Variants in GRIK4 observed in about 807,000 individuals in gnomAD.
GRIK4 encodes glutamate receptor ionotropic, kainate 4.
In GRIK4, 40 loss-of-function variants were observed where a neutral mutation model predicts 104.9. The observed-to-expected ratio is 0.38, with a 90% CI of 0.30 to 0.50. The LOEUF (loss-of-function observed/expected upper bound fraction) is 0.50, where lower values mean the gene tolerates loss of function less well. GRIK4 is among the 20% of genes least tolerant of loss of function. The pLI is 0.93. For synonymous variants in GRIK4, 485 were observed against 524.9 expected, an observed-to-expected ratio of 0.92 and a Z score of 1.04; for missense variants, 1,047 against 1,308.1, an observed-to-expected ratio of 0.80 and a Z score of 3.08.
chr11:120,677,872 A>G (rs1950126803), intron 3 of GRIK4, among the ~76,000 whole-genome samples: 1 of 152,236 alleles, frequency 6.6e-6, no homozygotes, highest in South Asian at 2.1e-4. Flanking sequence ...TTTATTGAGC[A>G]TCTACTGTGC....
At chr11:120,844,765 A>C (rs1953810185) in intron 8 of GRIK4, among the ~76,000 whole-genome samples, 1 of 152,222 alleles carries the variant, frequency 6.6e-6, no homozygotes, top group African/African-American at 2.4e-5. Flanking sequence ...ATTTGAAGTC[A>C]ACGTTGTGCA....
intron 6 of GRIK4, among the ~76,000 whole-genome samples, chr11:120,827,273 G>A (rs1953292494): frequency 6.6e-6 from 1 of 152,066 alleles, no homozygotes; most frequent in Non-Finnish European, 1.5e-5. Context: ...TCCTTACCTC[G>A]ACATCCTCCT....
At chr11:120,668,224 T>C (rs1949953994) in intron 3 of GRIK4, among the ~76,000 whole-genome samples, 1 of 140,632 alleles carries the variant, frequency 7.1e-6, no homozygotes, top group Non-Finnish European at 1.5e-5. Context: ...GAGAAAGAGG[T>C]AGGCAGACAG....
intron 15 of GRIK4, among the ~76,000 whole-genome samples, chr11:120,954,396 C>T (rs369188881): frequency 1.3e-4 from 19 of 151,766 alleles, no homozygotes; most frequent in African/African-American, 4.1e-4. Context: ...TGACGGCCTG[C>T]GAGATGGGGA....
At position 120,875,133 on chromosome 11, in the gene GRIK4, G is replaced by T. The variant is rs201278298; in HGVS notation, c.1060-6G>T. 3.8e-6 allele frequency: 6 copies of T among 1,577,952 alleles called. No homozygotes were observed. The African/African-American group carries it at 5.4e-5, about 14-fold the overall frequency. Reference sequence around the variant, plus strand: ...TTGGTGCTGTAACTCACTCTCTCTTGGACAGGTAGAATTGGAAGGTCTTAC... The same window carrying T: ...TTGGTGCTGTAACTCACTCTCTCTTTGACAGGTAGAATTGGAAGGTCTTAC... On this transcript the variant is annotated splice_polypyrimidine_tract_variant and splice_region_variant and intron_variant, in intron 10 of 20. Transcript: ENST00000527524.
chr11:120,731,074 G>T lies in GRIK4; in HGVS notation c.82+70674G>T, dbSNP rs373445419. Among the ~76,000 whole-genome samples, 219 of 152,016 alleles carry T rather than the reference G, an allele frequency of 1.4e-3. 2 individuals are homozygous for T. Among genetic ancestry groups the T allele is most frequent in the African/African-American group, 5.0e-3 (207 of 41,442 alleles). On this transcript the variant is annotated intron_variant, in intron 3 of 20. Transcript: ENST00000527524. ...GTTTCTTTCTTTCTCTTGTCTGATT[G>T]CTCTAGCTAGGACTTCCAGTACTAT...
chr11:120,611,044 T>C (rs1367884264), intron 1 of GRIK4, among the ~76,000 whole-genome samples: 1 of 152,126 alleles, frequency 6.6e-6, no homozygotes, highest in Non-Finnish European at 1.5e-5. Context: ...CGGACAAGAC[T>C]TTGATTTGGA....
At chr11:120,738,548 C>G (rs1951268266) in intron 3 of GRIK4, among the ~76,000 whole-genome samples, 1 of 152,178 alleles carries the variant, frequency 6.6e-6, no homozygotes, top group South Asian at 2.1e-4. Context: ...CCCCCACCCC[C>G]TACCCACCCT....
At chr11:120,729,275 C>T (rs557000433) in intron 3 of GRIK4, among the ~76,000 whole-genome samples, 107 of 152,286 alleles carry the variant, frequency 7.0e-4, no homozygotes, top group African/African-American at 2.5e-3. Context: ...TGGGTACATA[C>T]CTAGCAGTGG....
At chr11:120,812,541 A>G (rs983966481) in intron 4 of GRIK4, among the ~76,000 whole-genome samples, 3 of 152,230 alleles carry the variant, frequency 2.0e-5, no homozygotes, top group Admixed American at 1.3e-4. Context: ...ACCATTCTGA[A>G]TGTTAAGTAT....
intron 8 of GRIK4, among the ~76,000 whole-genome samples, chr11:120,847,335 C>T (rs1308207815): frequency 6.6e-6 from 1 of 152,128 alleles, no homozygotes. Flanking sequence ...TCTGATTTTC[C>T]AGGAGGTCAG....
intron 13 of GRIK4, among the ~76,000 whole-genome samples, chr11:120,938,904 A>G (rs377567963): frequency 1.3e-5 from 2 of 152,262 alleles, no homozygotes; most frequent in East Asian, 1.9e-4. Context: ...CTGGGATGAG[A>G]CTCAGGAATT....
At chr11:120,736,286 T>G (rs1276354044) in intron 3 of GRIK4, among the ~76,000 whole-genome samples, 1 of 152,154 alleles carries the variant, frequency 6.6e-6, no homozygotes, top group Non-Finnish European at 1.5e-5. Context: ...TATCCTACTG[T>G]GGCTGAGCTG....
chr11:120,729,627 A>G (rs1951093705), intron 3 of GRIK4, among the ~76,000 whole-genome samples: 2 of 152,114 alleles, frequency 1.3e-5, no homozygotes, highest in Non-Finnish European at 2.9e-5. Flanking sequence ...TTTCCTATAG[A>G]GTTGTTTGAG....
chr11:120,785,595 T>C (rs951192167), intron 3 of GRIK4, among the ~76,000 whole-genome samples: 2 of 152,162 alleles, frequency 1.3e-5, no homozygotes, highest in Non-Finnish European at 2.9e-5. Context: ...AGGTGAACCT[T>C]GTGAAAGTCC....
intron 17 of GRIK4, among the ~76,000 whole-genome samples, chr11:120,961,903 AAC>A (rs1239112828): frequency 6.6e-6 from 1 of 152,238 alleles, no homozygotes; most frequent in African/African-American, 2.4e-5. Context: ...TCATCATGCA[AAC>A]ACAGAGTTTG....
intron 3 of GRIK4, among the ~76,000 whole-genome samples, chr11:120,726,852 C>T (rs1193044744): frequency 6.6e-6 from 1 of 152,064 alleles, no homozygotes; most frequent in Non-Finnish European, 1.5e-5. Context: ...CCCAAATCCC[C>T]ACATAAGACA....
At chr11:120,771,789 T>C (rs968702166) in intron 3 of GRIK4, among the ~76,000 whole-genome samples, 5 of 152,224 alleles carry the variant, frequency 3.3e-5, no homozygotes, top group Non-Finnish European at 7.3e-5. Flanking sequence ...TGGGTGCAGG[T>C]ATGTGGGGGC....
At chr11:120,650,458 T>G (rs1565272881) in intron 1 of GRIK4, among the ~76,000 whole-genome samples, 1 of 152,202 alleles carries the variant, frequency 6.6e-6, no homozygotes, top group Admixed American at 6.5e-5. Flanking sequence ...TCCTCATGTG[T>G]TGTTTTCTCC....
Sources: gnomAD v4.1 joint callset for allele counts (sites outside exome capture counted in the v4.1 genomes callset) on GRCh38, gnomAD v4.1.1 for gene constraint, MANE v1.5 for transcripts, NCBI Gene and HGNC (gene_info 2026-07-23, HGNC 2026-07-21) for gene names.